GRIA2: variants seen among roughly 807,000 people sequenced by gnomAD.
GRIA2 encodes glutamate receptor 2.
A neutral mutation model predicts 97.3 loss-of-function variants in GRIA2; 14 were observed. The observed-to-expected ratio is 0.14, with a 90% CI of 0.10 to 0.23. GRIA2 has a LOEUF of 0.23. Ranked by LOEUF, GRIA2 falls within the 10% of genes least tolerant of loss-of-function variation. The pLI, the probability that GRIA2 is intolerant of heterozygous loss-of-function variation, is 1.00. For missense variants in GRIA2, 558 were observed against 1,069.8 expected (o/e 0.52, Z 6.67); for synonymous variants, 412 against 387.8 (o/e 1.06, Z -0.73).
At chr4:157,360,252 C>A in intron 13 of GRIA2, 109 bp downstream of exon 13, 2 of 1,120,158 alleles carry the variant, frequency 1.8e-6, no homozygotes, top group Admixed American at 2.5e-5. Context: ...AGGTAACTCA[C>A]CATCACAAAA....
At chr4:157,350,070 T>G (rs1356062664) in intron 12 of GRIA2, among the ~76,000 whole-genome samples, 1 of 152,200 alleles carries the variant, frequency 6.6e-6, no homozygotes, top group Non-Finnish European at 1.5e-5. Context: ...GACAATCTAT[T>G]CTGTTTTGTT....
chr4:157,269,218 T>G lies in GRIA2; in HGVS notation c.230-34334T>G, dbSNP rs576818117. On this transcript the variant is annotated intron_variant, in intron 2 of 15. Transcript: ENST00000264426. ...AAAAAATTGTGGAAGACATGGAAAA[T>G]CATTTTTAGAACCAAGAAAGGTCAA... is the stretch of plus-strand genomic sequence containing the variant. Among the ~76,000 whole-genome samples the G allele has an allele frequency of 3.9e-5, 6 of 152,016 alleles. No individual in the cohort carries two copies. In the East Asian group the frequency reaches 1.2e-3, roughly 30 times the overall value.
intron 6 of GRIA2, among the ~76,000 whole-genome samples, chr4:157,329,686 A>C (rs1410992861): frequency 6.6e-6 from 1 of 151,948 alleles, no homozygotes; most frequent in Non-Finnish European, 1.5e-5. Context: ...AAAGAAGAAA[A>C]TAATGCAAAC....
At chr4:157,276,319 A>T (rs976086669) in intron 2 of GRIA2, among the ~76,000 whole-genome samples, 1 of 152,102 alleles carries the variant, frequency 6.6e-6, no homozygotes, top group Non-Finnish European at 1.5e-5. Context: ...TCTCAACATA[A>T]ATTTTAAAAT....
intron 2 of GRIA2, among the ~76,000 whole-genome samples, chr4:157,276,057 T>G (rs1430450883): frequency 4.6e-5 from 7 of 152,146 alleles, no homozygotes; most frequent in African/African-American, 1.7e-4. Context: ...TGGTTTGTAG[T>G]TCTCCTTGAA....
chr4:157,247,803 A>T (rs1278760334), intron 2 of GRIA2, among the ~76,000 whole-genome samples: 1 of 152,098 alleles, frequency 6.6e-6, no homozygotes, highest in Admixed American at 6.6e-5. Flanking sequence ...ATGTGCAAGA[A>T]GTGGAGTTCA....
intron 2 of GRIA2, among the ~76,000 whole-genome samples, chr4:157,301,390 T>G (rs1287270258): frequency 6.6e-6 from 1 of 152,238 alleles, no homozygotes; most frequent in Non-Finnish European, 1.5e-5. Context: ...TTATTTCATC[T>G]TTGCCTTATG....
chr4:157,304,999 T>G (rs1733778720), intron 3 of GRIA2, among the ~76,000 whole-genome samples: 1 of 152,176 alleles, frequency 6.6e-6, no homozygotes, highest in Non-Finnish European at 1.5e-5. Context: ...CCCCCTGCTT[T>G]GAGAAGGGAG....
intron 2 of GRIA2, among the ~76,000 whole-genome samples, chr4:157,285,713 C>G (rs1732810596): frequency 6.6e-6 from 1 of 151,444 alleles, no homozygotes; most frequent in South Asian, 2.1e-4. Flanking sequence ...CTTCTACGCT[C>G]TGTGTACTGT....
Position 157,332,901 on chromosome 4 carries a change from C to T in GRIA2, c.965C>T (p.Ser322Phe). ...RNLRKQRIEI[S>F]RRGNAGDCLA... ...CTAAGGAAGCAAAGAATTGAAATCT[C>T]CCGAAGGGGGAATGCAGGAGACTGT... Residue 322 changes from serine to phenylalanine, a missense_variant, in exon 7 of 16, where the codon TCC becomes TTC. Coordinates refer to ENST00000264426, the MANE Select transcript of GRIA2 (RefSeq NM_001083619.3). 1 of 1,612,520 alleles carries T rather than the reference C, an allele frequency of 6.2e-7. No homozygotes were observed. The highest frequency in any genetic ancestry group is 2.2e-5 in the East Asian group (1 of 44,814).
At chr4:157,273,286 G>C (rs1732118517) in intron 2 of GRIA2, among the ~76,000 whole-genome samples, 1 of 151,978 alleles carries the variant, frequency 6.6e-6, no homozygotes. Flanking sequence ...AGGCACCAAT[G>C]GAGAACTATA....
chr4:157,280,183 A>G (rs1223983722), intron 2 of GRIA2, among the ~76,000 whole-genome samples: 2 of 152,134 alleles, frequency 1.3e-5, no homozygotes, highest in Non-Finnish European at 1.5e-5. Flanking sequence ...TTGTCTTGTC[A>G]TTTGGCTAAA....
chr4:157,287,452 G>A (rs1262918076), intron 2 of GRIA2, among the ~76,000 whole-genome samples: 1 of 151,650 alleles, frequency 6.6e-6, no homozygotes, highest in Non-Finnish European at 1.5e-5. Context: ...TGAGCTTACA[G>A]TTGGGTCTCA....
chr4:157,286,061 C>T (rs1560747615), intron 2 of GRIA2, among the ~76,000 whole-genome samples: 1 of 151,458 alleles, frequency 6.6e-6, no homozygotes. Context: ...CTATATTAAA[C>T]TGTTTCTATG....
At chr4:157,357,367 A>G (rs1579391951) in intron 12 of GRIA2, among the ~76,000 whole-genome samples, 1 of 152,162 alleles carries the variant, frequency 6.6e-6, no homozygotes, top group African/African-American at 2.4e-5. Flanking sequence ...TCTTGAAAAG[A>G]TAGGGTCATG....
intron 3 of GRIA2, among the ~76,000 whole-genome samples, chr4:157,311,882 A>C (rs913172318): frequency 6.6e-6 from 1 of 152,090 alleles, no homozygotes; most frequent in Non-Finnish European, 1.5e-5. Flanking sequence ...TAAATCCTCT[A>C]GTTGTTGTAA....
At position 157,223,789 on chromosome 4, in the gene GRIA2, G is replaced by A. The variant is rs150388326; in HGVS notation, c.229+1982G>A. Among the ~76,000 whole-genome samples the A allele has an allele frequency of 2.6e-4, 39 of 152,312 alleles. 1 individual carries two copies. The East Asian group carries it at 7.3e-3, about 29-fold the overall frequency. ...CAATGATTGCCAAGTTCACTCATTG[G>A]TGAAAATAATGAGAAGAACTTTCTG... On this transcript the variant is annotated intron_variant, in intron 2 of 15. Coordinates refer to ENST00000264426, the MANE Select transcript of GRIA2 (RefSeq NM_001083619.3).
intron 2 of GRIA2, among the ~76,000 whole-genome samples, chr4:157,240,256 T>C (rs1579296348): frequency 1.3e-5 from 2 of 152,244 alleles, no homozygotes; most frequent in East Asian, 3.9e-4. Context: ...AAGGCATAAA[T>C]GCCTTCATGA....
rs1305015971 is a variant in GRIA2, at chr4:157,334,011, T to C, written c.1157T>C (p.Ile386Thr). The change falls in exon 9 of 16, where the codon ATT becomes ACT. Residue 386 changes from isoleucine to threonine, a missense_variant and splice_region_variant. Ile to Thr is a moderately conservative substitution (Grantham distance 89). This residue lies in a region of GRIA2 where 66 missense variants were observed against 118.7 expected (regional missense o/e 0.56). Coordinates refer to ENST00000264426, the MANE Select transcript of GRIA2 (RefSeq NM_001083619.3). ...CCTGTCTGCTGTAACCTTTTCCAGA[T>C]TGGCTACTGGAGTGAAGTGGACAAA... Reference protein sequence around the residue: ...MELKTNGPRKIGYWSEVDKMV... With the variant: ...MELKTNGPRKTGYWSEVDKMV... 6.6e-7 allele frequency: 1 copy of C among 1,511,532 alleles called. No individual in the cohort carries two copies. The highest frequency in any genetic ancestry group is 9.2e-7 in the Non-Finnish European group (1 of 1,086,940). 93.6% of individuals were successfully genotyped at this position (1,511,532 alleles called of 1,614,324 possible).
Sources: allele counts gnomAD v4.1 joint callset (sites outside exome capture counted in the v4.1 genomes callset), GRCh38; gene constraint gnomAD v4.1.1; regional missense constraint gnomAD v4.1.1; transcripts MANE v1.5; gene names NCBI Gene and HGNC (gene_info 2026-07-23, HGNC 2026-07-21).